PTPRK: variants seen among roughly 807,000 people sequenced by gnomAD.
PTPRK encodes the protein protein tyrosine phosphatase receptor type K, also known as receptor-type tyrosine-protein phosphatase kappa.
In PTPRK, 75 loss-of-function variants were observed where a neutral mutation model predicts 178.0. The ratio of observed to expected loss-of-function variants is 0.42; its 90% CI spans 0.35 to 0.51. The LOEUF (loss-of-function observed/expected upper bound fraction) is 0.51. PTPRK is among the 20% of genes least tolerant of loss of function. The probability of loss-of-function intolerance (pLI) is 0.02; values close to 1 mark genes in which losing one functional copy is unlikely to be tolerated. For synonymous variants in PTPRK, 637 were observed against 620.6 expected, an observed-to-expected ratio of 1.03 and a Z score of -0.39; for missense variants, 1,441 against 1,797.8, an observed-to-expected ratio of 0.80 and a Z score of 3.59.
At chr6:128,319,864 A>C (rs903781713) in intron 3 of PTPRK, among the ~76,000 whole-genome samples, 1 of 152,216 alleles carries the variant, frequency 6.6e-6, no homozygotes, top group African/African-American at 2.4e-5. Flanking sequence ...CTAAATGATT[A>C]AATTGATAAA....
At chr6:128,202,272 G>T (rs934004356) in intron 6 of PTPRK, among the ~76,000 whole-genome samples, 1 of 152,132 alleles carries the variant, frequency 6.6e-6, no homozygotes, top group Non-Finnish European at 1.5e-5. Flanking sequence ...CAGGGGAAGC[G>T]GTGAGGAATT....
At chr6:128,206,003 A>G (rs1383769766) in intron 6 of PTPRK, among the ~76,000 whole-genome samples, 1 of 151,808 alleles carries the variant, frequency 6.6e-6, no homozygotes, top group Non-Finnish European at 1.5e-5. Context: ...TGCTTCTTGG[A>G]CCCTCATGGA....
chr6:128,127,094 T>G (rs1793502869), intron 7 of PTPRK, among the ~76,000 whole-genome samples: 1 of 152,196 alleles, frequency 6.6e-6, no homozygotes, highest in African/African-American at 2.4e-5. Context: ...AGCAGTAAAC[T>G]ATATTTGTAT....
intron 2 of PTPRK, among the ~76,000 whole-genome samples, chr6:128,353,656 T>A (rs1187190777): frequency 2.0e-5 from 3 of 152,186 alleles, no homozygotes; most frequent in African/African-American, 7.2e-5. Context: ...CATATTCCAT[T>A]TATACAAAAA....
intron 11 of PTPRK, among the ~76,000 whole-genome samples, chr6:128,074,281 T>C (rs1288912724): frequency 6.6e-6 from 1 of 152,022 alleles, no homozygotes; most frequent in Non-Finnish European, 1.5e-5. Context: ...TGAAATAAAA[T>C]ATATATTCAT....
intron 3 of PTPRK, among the ~76,000 whole-genome samples, chr6:128,290,582 C>A (rs1255417478): frequency 6.6e-6 from 1 of 151,984 alleles, no homozygotes; most frequent in South Asian, 2.1e-4. Context: ...GCTTGGGAAA[C>A]CCTGGTGTAG....
chr6:128,102,991 G>A (rs139736338), intron 7 of PTPRK, among the ~76,000 whole-genome samples: 1 of 152,266 alleles, frequency 6.6e-6, no homozygotes, highest in East Asian at 1.9e-4. Flanking sequence ...ATGGAAACAG[G>A]TATTCCTGTT....
chr6:128,264,018 C>T (rs1337493867), intron 3 of PTPRK, among the ~76,000 whole-genome samples: 2 of 141,224 alleles, frequency 1.4e-5, no homozygotes, highest in East Asian at 3.9e-4. Flanking sequence ...CAGACTACTA[C>T]ATCAAGCAAA....
At chr6:128,217,212 C>T (rs1217480685) in intron 6 of PTPRK, among the ~76,000 whole-genome samples, 1 of 152,130 alleles carries the variant, frequency 6.6e-6, no homozygotes, top group Non-Finnish European at 1.5e-5. Context: ...TGTTTCTCTG[C>T]CTAAATACGG....
At chr6:128,242,648 A>G in intron 3 of PTPRK, 46 bp from the exon 4 acceptor site, 8 of 1,600,450 alleles carry the variant, frequency 5.0e-6, no homozygotes, top group Non-Finnish European at 6.8e-6. Context: ...GTTTTCAAGG[A>G]ATTTCTACAG....
chr6:128,479,200 C>T (rs1010455187), intron 1 of PTPRK, among the ~76,000 whole-genome samples: 4 of 152,042 alleles, frequency 2.6e-5, no homozygotes, highest in Non-Finnish European at 4.4e-5. Flanking sequence ...CTTTACTTCC[C>T]CAGCATCAAT....
chr6:128,156,239 C>T (rs1385819507), intron 7 of PTPRK, among the ~76,000 whole-genome samples: 1 of 151,768 alleles, frequency 6.6e-6, no homozygotes, highest in Non-Finnish European at 1.5e-5. Flanking sequence ...TCTTAAATAT[C>T]CACCTAAATA....
intron 7 of PTPRK, among the ~76,000 whole-genome samples, chr6:128,101,656 T>A: frequency 6.6e-6 from 1 of 152,114 alleles, no homozygotes; most frequent in Admixed American, 6.5e-5. Context: ...GTTAGAGATT[T>A]CCTAGGATGA....
intron 4 of PTPRK, among the ~76,000 whole-genome samples, chr6:128,240,465 A>G (rs1814209024): frequency 6.6e-6 from 1 of 152,166 alleles, no homozygotes; most frequent in Non-Finnish European, 1.5e-5. Flanking sequence ...ATAATAAAAC[A>G]GTTACAAACT....
chr6:128,235,876 GTTATT>G (rs1401601816), intron 5 of PTPRK, among the ~76,000 whole-genome samples: 1 of 152,044 alleles, frequency 6.6e-6, no homozygotes, highest in East Asian at 1.9e-4. Context: ...CTCATTATGA[GTTATT>G]TTATCATTTC....
intron 8 of PTPRK, 33 bp from the exon 9 acceptor site, chr6:128,083,857 T>C: frequency 7.9e-7 from 1 of 1,261,828 alleles, no homozygotes; most frequent in South Asian, 1.6e-5. Flanking sequence ...GTTATGAAAA[T>C]GCTTACATTA....
At chr6:128,413,919 C>T (rs1235468751) in intron 1 of PTPRK, among the ~76,000 whole-genome samples, 1 of 151,864 alleles carries the variant, frequency 6.6e-6, no homozygotes, top group Non-Finnish European at 1.5e-5. Context: ...TTTAATTGAC[C>T]TTAATAACCC....
intron 11 of PTPRK, among the ~76,000 whole-genome samples, chr6:128,072,952 A>G (rs1227324357): frequency 6.6e-6 from 1 of 151,842 alleles, no homozygotes. Context: ...ATTCTCAAAA[A>G]CTCTAGGGTG....
chr6:128,320,372 G>A lies in PTPRK; in HGVS notation c.495+1667C>T, dbSNP rs544776687. 1.6e-4 allele frequency among the ~76,000 whole-genome samples: 24 copies of A among 152,174 alleles called. 1 individual carries two copies. Among genetic ancestry groups the A allele is most frequent in the African/African-American group, 4.6e-4 (19 of 41,536 alleles). ...TACATGTATGTTATTTCGTAGTTAC[G>A]AGGAAAAAGAAATATATCACAGATA... On this transcript the variant is annotated intron_variant, in intron 3 of 29. Coordinates refer to ENST00000368226, the MANE Select transcript of PTPRK (RefSeq NM_002844.4).
Sources: allele counts gnomAD v4.1 joint callset (sites outside exome capture counted in the v4.1 genomes callset), GRCh38; gene constraint gnomAD v4.1.1; transcripts MANE v1.5; gene names NCBI Gene and HGNC (gene_info 2026-07-23, HGNC 2026-07-21).